Variants in DNAJC11 observed in about 807,000 individuals in gnomAD.
DNAJC11 encodes the protein DnaJ heat shock protein family (Hsp40) member C11, also known as dnaJ homolog subfamily C member 11.
Under a neutral mutation model 78.6 loss-of-function variants are expected in DNAJC11, and 15 were observed. The ratio of observed to expected loss-of-function variants is 0.19; its 90% CI spans 0.13 to 0.29. DNAJC11 has a LOEUF of 0.29. Ranked by LOEUF, DNAJC11 falls within the 10% of genes least tolerant of loss-of-function variation. The pLI, the probability that DNAJC11 is intolerant of heterozygous loss-of-function variation, is 1.00. For missense variants in DNAJC11, 547 were observed against 709.6 expected (o/e 0.77, Z 2.60); for synonymous variants, 292 against 272.1 (o/e 1.07, Z -0.72).
At chr1:6,666,411 G>A (rs1440793366) in intron 4 of DNAJC11, among the ~76,000 whole-genome samples, 1 of 139,580 alleles carries the variant, frequency 7.2e-6, no homozygotes, top group Non-Finnish European at 1.5e-5. Context: ...TTTTGAGATG[G>A]AGTCTCACTC....
chr1:6,675,751 G>A lies in DNAJC11; in HGVS notation c.276+2643C>T, dbSNP rs141412519. Reference sequence around the variant, plus strand: ...TATATTTGTATAACCACCATTTTGCGTGTGGATTTGCTTTGTTTCTAATGG... The same window carrying A: ...TATATTTGTATAACCACCATTTTGCATGTGGATTTGCTTTGTTTCTAATGG... On this transcript the variant is annotated intron_variant, in intron 3 of 15. Transcript: ENST00000377577. Among the ~76,000 whole-genome samples the A allele has an allele frequency of 6.6e-5, 10 of 152,244 alleles. 1 individual carries two copies. The East Asian group carries it at 1.9e-3, about 29-fold the overall frequency.
intron 3 of DNAJC11, among the ~76,000 whole-genome samples, chr1:6,676,301 A>T (rs1642461390): frequency 6.6e-6 from 1 of 152,202 alleles, no homozygotes; most frequent in South Asian, 2.1e-4. Flanking sequence ...AGATGTTTCA[A>T]GAAAAGACAG....
intron 3 of DNAJC11, chr1:6,668,012 G>GC (rs1184797548): frequency 1.8e-6 from 1 of 559,166 alleles, no homozygotes; most frequent in Non-Finnish European, 3.2e-6. Flanking sequence ...TGCCCTCCTG[G>GC]CCCTTCCCAA....
At chr1:6,671,305 C>T (rs1238126350) in intron 3 of DNAJC11, among the ~76,000 whole-genome samples, 2 of 152,144 alleles carry the variant, frequency 1.3e-5, no homozygotes, top group African/African-American at 2.4e-5. Flanking sequence ...TGTAGTGGTG[C>T]GATCTCGGCT....
At chr1:6,685,777 G>C (rs1642647011) in intron 1 of DNAJC11, among the ~76,000 whole-genome samples, 1 of 152,158 alleles carries the variant, frequency 6.6e-6, no homozygotes, top group Non-Finnish European at 1.5e-5. Context: ...GTATTCATTG[G>C]AGTAAAATCT....
At chr1:6,678,354 A>T in intron 3 of DNAJC11, 40 bp downstream of exon 3, 1 of 1,575,344 alleles carries the variant, frequency 6.3e-7, no homozygotes. Flanking sequence ...GTAACTGTTT[A>T]ATGACTTTTC....
chr1:6,650,837 C>T (rs926820075), intron 7 of DNAJC11, among the ~76,000 whole-genome samples: 13 of 152,168 alleles, frequency 8.5e-5, no homozygotes, highest in African/African-American at 2.9e-4. Context: ...CACACCACCG[C>T]ACTCCAGGCT....
At chr1:6,691,419 A>G (rs1277531877) in intron 1 of DNAJC11, among the ~76,000 whole-genome samples, 4 of 152,264 alleles carry the variant, frequency 2.6e-5, no homozygotes, top group Admixed American at 2.0e-4. Context: ...GTTCATATAT[A>G]TATTTGTTGC....
intron 3 of DNAJC11, among the ~76,000 whole-genome samples, chr1:6,675,381 C>G (rs576683111): frequency 1.3e-5 from 2 of 151,266 alleles, no homozygotes; most frequent in Non-Finnish European, 2.9e-5. Context: ...CACTTGCCAC[C>G]CACGACTGTG....
chr1:6,637,015 AT>A (rs1216217742), intron 14 of DNAJC11, among the ~76,000 whole-genome samples, 182 bp downstream of exon 14: 1 of 151,882 alleles, frequency 6.6e-6, no homozygotes, highest in Non-Finnish European at 1.5e-5. Flanking sequence ...TGCCCAGCTG[AT>A]TTTTTCTCTT....
rs17029757 is a variant in DNAJC11, at chr1:6,684,438, A to T, written c.73-3401T>A. Among the ~76,000 whole-genome samples, 225 of 152,310 alleles carry T rather than the reference A, an allele frequency of 1.5e-3. 2 individuals are homozygous for T. Among genetic ancestry groups the T allele is most frequent in the African/African-American group, 5.1e-3 (212 of 41,566 alleles). On this transcript the variant is annotated intron_variant, in intron 1 of 15. Transcript: ENST00000377577. ...GTCCTTTTTTGTGTCTCATAAAGTT[A>T]CAAGTACTGGATTAGACAGATTGAC...
chr1:6,634,190 TG>T lies in DNAJC11; in HGVS notation c.*1484del, dbSNP rs1641707490. Reference sequence around the variant, plus strand: ...GCCTCTGCTTTCAGGAAAGGTTTATTGTGGTGAGTGCCTTCTGTACAGTCGA... The same window carrying T: ...GCCTCTGCTTTCAGGAAAGGTTTATTTGGTGAGTGCCTTCTGTACAGTCGA... On this transcript the variant is annotated 3_prime_UTR_variant, in exon 16 of 16. Coordinates refer to ENST00000377577, the MANE Select transcript of DNAJC11 (RefSeq NM_018198.4). 1 of 1,129,130 alleles carries T rather than the reference TG, an allele frequency of 8.9e-7. No homozygotes were observed. Among genetic ancestry groups the T allele is most frequent in the East Asian group, 2.4e-5 (1 of 41,518 alleles). 69.9% of individuals were successfully genotyped at this position (1,129,130 alleles called of 1,614,324 possible).
chr1:6,691,910 T>C (rs1642752064), intron 1 of DNAJC11, among the ~76,000 whole-genome samples: 1 of 152,252 alleles, frequency 6.6e-6, no homozygotes, highest in South Asian at 2.1e-4. Flanking sequence ...AAAAAATATA[T>C]GCTATTTTAT....
At chr1:6,686,166 TAAAC>T (rs970413898) in intron 1 of DNAJC11, among the ~76,000 whole-genome samples, 8 of 152,194 alleles carry the variant, frequency 5.3e-5, no homozygotes, top group African/African-American at 7.2e-5. Context: ...ATAATTCACA[TAAAC>T]AAAAGCTCTT....
intron 12 of DNAJC11, 156 bp downstream of exon 12, chr1:6,638,139 C>T (rs969909550): frequency 9.5e-6 from 6 of 634,608 alleles, no homozygotes; most frequent in Non-Finnish European, 1.6e-5. Flanking sequence ...AGGGCAGGGA[C>T]TGCAGAGCCC....
intron 1 of DNAJC11, among the ~76,000 whole-genome samples, chr1:6,695,899 T>C (rs1240248994): frequency 1.3e-5 from 2 of 152,188 alleles, no homozygotes; most frequent in Admixed American, 1.3e-4. Flanking sequence ...ATTTGAATAC[T>C]GGACTCCAGC....
chr1:6,648,110 GAA>G (rs1481009224), intron 7 of DNAJC11, among the ~76,000 whole-genome samples: 1 of 152,150 alleles, frequency 6.6e-6, no homozygotes, highest in Non-Finnish European at 1.5e-5. Context: ...TGGGGCGCTT[GAA>G]ACACCTAGAT....
At chr1:6,669,508 T>G (rs1642342922) in intron 3 of DNAJC11, among the ~76,000 whole-genome samples, 1 of 133,658 alleles carries the variant, frequency 7.5e-6, no homozygotes, top group African/African-American at 2.9e-5. Flanking sequence ...CAAGAAACTC[T>G]GTCTTAGAAA....
chr1:6,698,964 T>C (rs1642883267), intron 1 of DNAJC11, among the ~76,000 whole-genome samples: 2 of 148,376 alleles, frequency 1.3e-5, no homozygotes, highest in Non-Finnish European at 3.0e-5. Flanking sequence ...TATATATAAA[T>C]ATTTATATCT....
Sources: allele counts gnomAD v4.1 joint callset (sites outside exome capture counted in the v4.1 genomes callset), GRCh38; gene constraint gnomAD v4.1.1; transcripts MANE v1.5; gene names NCBI Gene and HGNC (gene_info 2026-07-23, HGNC 2026-07-21).